The following FUT8 variants were observed in gnomAD, a reference collection of about 807,000 sequenced individuals.
FUT8 encodes the protein fucosyltransferase 8.
FUT8 carries 29 observed loss-of-function variants against 71.3 expected under a neutral mutation model. The observed-to-expected ratio is 0.41, with a 90% CI of 0.30 to 0.55. The LOEUF (loss-of-function observed/expected upper bound fraction) is 0.55. Among genes scored for constraint, FUT8 ranks in the 20% least tolerant of loss-of-function variants. The pLI, the probability that FUT8 is intolerant of heterozygous loss-of-function variation, is 0.34. For missense variants in FUT8, 544 were observed against 702.1 expected (o/e 0.77, Z 2.55); for synonymous variants, 254 against 239.3 (o/e 1.06, Z -0.57).
intron 3 of FUT8, among the ~76,000 whole-genome samples, chr14:65,571,707 T>C (rs1225619412): frequency 2.0e-5 from 3 of 152,314 alleles, no homozygotes; most frequent in Admixed American, 2.0e-4. Flanking sequence ...TCATTTGTTA[T>C]ATTGTCTTAA....
chr14:65,693,074 G>C (rs1164604399), intron 7 of FUT8, among the ~76,000 whole-genome samples: 3 of 152,202 alleles, frequency 2.0e-5, no homozygotes, highest in Non-Finnish European at 4.4e-5. Context: ...GGGCAGCCAG[G>C]CAGAGACGCT....
intron 2 of FUT8, among the ~76,000 whole-genome samples, chr14:65,491,917 A>C (rs2066487390): frequency 6.6e-6 from 1 of 152,162 alleles, no homozygotes; most frequent in Admixed American, 6.6e-5. Context: ...TTCTCTCTTA[A>C]GAGAAGCTCT....
At chr14:65,488,372 T>C (rs1053529218) in intron 2 of FUT8, 3 of 152,216 alleles carry the variant, frequency 2.0e-5, no homozygotes, top group African/African-American at 7.2e-5. Flanking sequence ...TTTGCAGGCT[T>C]CGGTGTATGC....
chr14:65,404,708 C>T, the FUT8 span, among the ~76,000 whole-genome samples: 6 of 150,742 alleles, frequency 4.0e-5, no homozygotes, highest in African/African-American at 1.5e-4. Flanking sequence ...CTCTTGACCT[C>T]GTGATCTGCC....
At chr14:65,590,150 ATAAGT>A (rs1166920556) in intron 3 of FUT8, among the ~76,000 whole-genome samples, 1 of 152,144 alleles carries the variant, frequency 6.6e-6, no homozygotes, top group African/African-American at 2.4e-5. Flanking sequence ...TTTTGTCCTT[ATAAGT>A]TAACATTTTT....
At chr14:65,640,891 CA>C (rs561269024) in intron 6 of FUT8, among the ~76,000 whole-genome samples, 7 of 152,020 alleles carry the variant, frequency 4.6e-5, no homozygotes, top group Non-Finnish European at 7.4e-5. Context: ...GCATTTAAAA[CA>C]AAAGAAAAAT....
At chr14:65,465,568 G>A (rs565932353) in intron 2 of FUT8, among the ~76,000 whole-genome samples, 9 of 152,286 alleles carry the variant, frequency 5.9e-5, no homozygotes, top group African/African-American at 1.9e-4. Flanking sequence ...TTGTAAGTGA[G>A]CTGTTTAAAC....
intron 2 of FUT8, among the ~76,000 whole-genome samples, chr14:65,497,281 A>T (rs1314077841): frequency 6.6e-6 from 1 of 152,162 alleles, no homozygotes; most frequent in Non-Finnish European, 1.5e-5. Flanking sequence ...CTTGTTTGGA[A>T]GTTGACAGTG....
intron 1 of FUT8, among the ~76,000 whole-genome samples, chr14:65,428,086 TC>T (rs2065416324): frequency 1.3e-5 from 2 of 152,322 alleles, no homozygotes; most frequent in East Asian, 3.8e-4. Flanking sequence ...TAACCACTTG[TC>T]CCCTCTCGGC....
intron 3 of FUT8, among the ~76,000 whole-genome samples, chr14:65,601,172 A>C (rs1251810757): frequency 6.6e-6 from 1 of 152,210 alleles, no homozygotes; most frequent in Non-Finnish European, 1.5e-5. Flanking sequence ...AAAATTATAA[A>C]TAAATAAATT....
At chr14:65,597,410 C>T (rs1468203880) in intron 3 of FUT8, among the ~76,000 whole-genome samples, 2 of 151,958 alleles carry the variant, frequency 1.3e-5, no homozygotes, top group Admixed American at 6.6e-5. Flanking sequence ...GGGTGGATCA[C>T]GAGGTCAGGA....
At chr14:65,650,858 A>T (rs1442815224) in intron 6 of FUT8, among the ~76,000 whole-genome samples, 8 of 151,992 alleles carry the variant, frequency 5.3e-5, no homozygotes, top group Admixed American at 4.6e-4. Flanking sequence ...AGAGGGGGGA[A>T]AAAAAAGCCC....
intron 6 of FUT8, among the ~76,000 whole-genome samples, chr14:65,635,680 A>C (rs1052820545): frequency 6.6e-6 from 1 of 152,218 alleles, no homozygotes. Flanking sequence ...CCCTGGTATG[A>C]AACCCACTTG....
intron 2 of FUT8, among the ~76,000 whole-genome samples, chr14:65,501,096 A>G (rs2066639535): frequency 6.6e-6 from 1 of 152,176 alleles, no homozygotes; most frequent in South Asian, 2.1e-4. Context: ...TCTAGCCATG[A>G]TGGCTCAGTT....
At chr14:65,677,151 T>TGTGTGTGCGCGCGCGCGCGCGC in intron 7 of FUT8, among the ~76,000 whole-genome samples, 1 of 110,702 alleles carries the variant, frequency 9.0e-6, no homozygotes, top group Non-Finnish European at 1.8e-5. Flanking sequence ...TGTGTGTGTG[T>TGTGTGTGCGCGCGCGCGCGCGC]GCGCGCGCGC....
At chr14:65,500,546 C>G (rs1471590065) in intron 2 of FUT8, among the ~76,000 whole-genome samples, 1 of 152,182 alleles carries the variant, frequency 6.6e-6, no homozygotes, top group Non-Finnish European at 1.5e-5. Context: ...TGGTGGACAG[C>G]TGGTTAGAAC....
In FUT8 at chr14:65,467,108, A is replaced by G. The variant is rs1191127204; in HGVS notation, c.-228+11390A>G. ...TTTGTAATCCATATTTCTGATCTAT[A>G]TAATTTTCCTTCTTTCTGAATAACT... On this transcript the variant is annotated intron_variant, in intron 2 of 10. Coordinates refer to ENST00000673929, the MANE Select transcript of FUT8 (RefSeq NM_001371533.1). The surrounding 1 kb of genome is among the most constrained non-coding windows in gnomAD (Gnocchi z 4.1). Among the ~76,000 whole-genome samples, 2 of 152,032 alleles carry G rather than the reference A, an allele frequency of 1.3e-5. No individual in the cohort carries two copies. Among genetic ancestry groups the G allele is most frequent in the Non-Finnish European group, 2.9e-5 (2 of 68,002 alleles).
At chr14:65,621,565 CT>C (rs898336838) in intron 5 of FUT8, among the ~76,000 whole-genome samples, 4 of 146,994 alleles carry the variant, frequency 2.7e-5, no homozygotes, top group African/African-American at 7.5e-5. Flanking sequence ...ATTTGTTCCT[CT>C]TTTTTTTTAT....
At chr14:65,573,453 T>A (rs1886593158) in intron 3 of FUT8, among the ~76,000 whole-genome samples, 1 of 151,998 alleles carries the variant, frequency 6.6e-6, no homozygotes, top group African/African-American at 2.4e-5. Context: ...TATATGATTT[T>A]GAAGAGAAAG....
Sources: allele counts gnomAD v4.1 joint callset (sites outside exome capture counted in the v4.1 genomes callset), GRCh38; gene constraint gnomAD v4.1.1; non-coding constraint Gnocchi (gnomAD v3.1); transcripts MANE v1.5; gene names NCBI Gene and HGNC (gene_info 2026-07-23, HGNC 2026-07-21).